Variants in ARHGAP15 observed in about 807,000 individuals in gnomAD.
ARHGAP15 encodes the protein Rho GTPase activating protein 15, also known as rho GTPase-activating protein 15.
ARHGAP15 carries 51 observed loss-of-function variants against 63.7 expected under a neutral mutation model. The observed-to-expected ratio is 0.80, with a 90% CI of 0.64 to 1.01. ARHGAP15 has a LOEUF of 1.01. Ranked by LOEUF, ARHGAP15 falls within the 50% of genes least tolerant of loss-of-function variation. The probability of loss-of-function intolerance (pLI) is 0.00; values close to 1 mark genes in which losing one functional copy is unlikely to be tolerated. For synonymous variants in ARHGAP15, 191 were observed against 193.8 expected (o/e 0.99, Z 0.12); for missense variants, 560 against 564.6 (o/e 0.99, Z 0.08).
At chr2:143,719,102 T>C (rs1480024432) in intron 13 of ARHGAP15, among the ~76,000 whole-genome samples, 1 of 152,216 alleles carries the variant, frequency 6.6e-6, no homozygotes, top group Non-Finnish European at 1.5e-5. Flanking sequence ...AGAACCGCTG[T>C]AAGGGGTGGG....
chr2:143,237,740 C>T (rs1482492591), intron 5 of ARHGAP15: 3 of 152,102 alleles, frequency 2.0e-5, no homozygotes, highest in East Asian at 3.9e-4. Flanking sequence ...AATTTAGTGT[C>T]ACTTTTGATA....
At chr2:143,551,623 T>C (rs1217060459) in intron 10 of ARHGAP15, among the ~76,000 whole-genome samples, 1 of 152,200 alleles carries the variant, frequency 6.6e-6, no homozygotes, top group East Asian at 1.9e-4. Flanking sequence ...ATGGTTTTTA[T>C]GAAGTCATAT....
At chr2:143,329,680 C>T (rs1684417627) in intron 6 of ARHGAP15, among the ~76,000 whole-genome samples, 1 of 152,020 alleles carries the variant, frequency 6.6e-6, no homozygotes, top group Non-Finnish European at 1.5e-5. Context: ...CCACAGACAA[C>T]TAGTACGTAA....
chr2:143,207,265 T>C (rs1233535943), intron 3 of ARHGAP15, among the ~76,000 whole-genome samples: 2 of 151,962 alleles, frequency 1.3e-5, no homozygotes, highest in Non-Finnish European at 2.9e-5. Context: ...TATCACTAAT[T>C]ATAGATAATA....
At chr2:143,574,482 T>C (rs549352977) in intron 11 of ARHGAP15, among the ~76,000 whole-genome samples, 1 of 151,958 alleles carries the variant, frequency 6.6e-6, no homozygotes, top group East Asian at 1.9e-4. Flanking sequence ...TAAAGTATAA[T>C]AATAATAAAA....
Position 143,180,032 on chromosome 2 carries a change from G to A in ARHGAP15, c.166-22102G>A, listed in dbSNP as rs527993636. On this transcript the variant is annotated intron_variant, in intron 2 of 13. Coordinates refer to ENST00000295095, the MANE Select transcript of ARHGAP15 (RefSeq NM_018460.4). ...TGTTGATGGCTGCTGACTGATCAGG[G>A]TGGTGATTTCTGAAGGGCAAAGTGG... is the stretch of plus-strand genomic sequence containing the variant. Among the ~76,000 whole-genome samples the A allele has an allele frequency of 3.2e-4, 49 of 152,304 alleles. 1 individual carries two copies. The highest frequency in any genetic ancestry group is 1.2e-3 in the African/African-American group (49 of 41,564).
At chr2:143,327,799 G>T (rs561421901) in intron 6 of ARHGAP15, among the ~76,000 whole-genome samples, 2 of 151,962 alleles carry the variant, frequency 1.3e-5, no homozygotes, top group South Asian at 2.1e-4. Context: ...AGAAACTATC[G>T]TCAGAGTGAA....
At chr2:143,147,422 G>T (rs1689634411) in intron 1 of ARHGAP15, among the ~76,000 whole-genome samples, 1 of 152,066 alleles carries the variant, frequency 6.6e-6, no homozygotes, top group Admixed American at 6.6e-5. Context: ...AGGAAACAGA[G>T]AGAAGATTGC....
chr2:143,700,844 CTTTTTTTCTGGTTTATGATAT>C (rs1559133623), intron 12 of ARHGAP15, among the ~76,000 whole-genome samples: 1 of 152,126 alleles, frequency 6.6e-6, no homozygotes, highest in African/African-American at 2.4e-5. Flanking sequence ...TTAACTTGTA[CTTTTTTTCTGGTTTATGATAT>C]TTCATAGGCC....
intron 13 of ARHGAP15, among the ~76,000 whole-genome samples, chr2:143,757,550 A>C (rs1351944897): frequency 6.6e-6 from 1 of 151,922 alleles, no homozygotes; most frequent in Non-Finnish European, 1.5e-5. Context: ...ACATACATAC[A>C]TAGAGATTAT....
In ARHGAP15 at chr2:143,644,787, T is replaced by C. The variant is rs1324724343; in HGVS notation, c.1138+20520T>C. ...TTCTCACGTGAAAAATATAAATGTG[T>C]ATGCATGTTAAGCCATTTTAGTTCT... On this transcript the variant is annotated intron_variant, in intron 12 of 13. Coordinates refer to ENST00000295095, the MANE Select transcript of ARHGAP15 (RefSeq NM_018460.4). Among the ~76,000 whole-genome samples the C allele has an allele frequency of 3.3e-5, 5 of 152,086 alleles. No homozygotes were observed. The East Asian group carries it at 9.7e-4, about 29-fold the overall frequency.
At chr2:143,450,120 G>C (rs1465266736) in intron 8 of ARHGAP15, among the ~76,000 whole-genome samples, 3 of 116,066 alleles carry the variant, frequency 2.6e-5, no homozygotes, top group Non-Finnish European at 5.3e-5. Flanking sequence ...TTTTTTCCTA[G>C]TAGGTACCTG....
intron 6 of ARHGAP15, among the ~76,000 whole-genome samples, chr2:143,427,702 C>CT (rs1171198942): frequency 2.0e-5 from 3 of 152,170 alleles, no homozygotes; most frequent in Admixed American, 6.5e-5. Flanking sequence ...ATGTCTAGGA[C>CT]TTGCTGACTG....
At chr2:143,625,323 A>G (rs1698793702) in intron 12 of ARHGAP15, among the ~76,000 whole-genome samples, 1 of 152,148 alleles carries the variant, frequency 6.6e-6, no homozygotes, top group Non-Finnish European at 1.5e-5. Flanking sequence ...CAGCCCCTCA[A>G]CATGCCCTCT....
intron 8 of ARHGAP15, among the ~76,000 whole-genome samples, chr2:143,465,430 T>C (rs1246353017): frequency 6.6e-6 from 1 of 152,196 alleles, no homozygotes; most frequent in Non-Finnish European, 1.5e-5. Flanking sequence ...GGATTATTAC[T>C]GTAATCTTTA....
rs956940644 is a variant in ARHGAP15 at position 143,344,933 on chromosome 2, C to T, written c.475-90668C>T. On this transcript the variant is annotated intron_variant, in intron 6 of 13. Transcript: ENST00000295095. ...AGGGCTGCTCTGCAGGGCTCTTAAG[C>T]GGTCGGAAAATCATTGCTGAGAACA... Among the ~76,000 whole-genome samples, 7 of 152,036 alleles carry T rather than the reference C, an allele frequency of 4.6e-5. No homozygotes were observed. In the East Asian group the frequency reaches 5.8e-4, roughly 13 times the overall value.
intron 6 of ARHGAP15, among the ~76,000 whole-genome samples, chr2:143,281,331 T>C (rs1681839174): frequency 6.6e-6 from 1 of 152,142 alleles, no homozygotes. Flanking sequence ...GCTACTTTAA[T>C]ATAAAAAGAC....
At chr2:143,479,874 C>CAA (rs5834953) in intron 8 of ARHGAP15, among the ~76,000 whole-genome samples, 1 of 149,702 alleles carries the variant, frequency 6.7e-6, no homozygotes, top group Non-Finnish European at 1.5e-5. Context: ...ACCTGTGACG[C>CAA]AAAAAAAAAA....
At chr2:143,666,812 T>G (rs1682219010) in intron 12 of ARHGAP15, among the ~76,000 whole-genome samples, 2 of 148,914 alleles carry the variant, frequency 1.3e-5, no homozygotes, top group African/African-American at 5.2e-5. Context: ...AAAAAACACA[T>G]GAAAAAATGC....
Sources: allele counts gnomAD v4.1 joint callset (sites outside exome capture counted in the v4.1 genomes callset), GRCh38; gene constraint gnomAD v4.1.1; transcripts MANE v1.5; gene names NCBI Gene and HGNC (gene_info 2026-07-23, HGNC 2026-07-21).